The following N4BP2L2 variants were observed in gnomAD, a reference collection of about 807,000 sequenced individuals.
The protein encoded by N4BP2L2 is NEDD4-binding protein 2-like 2.
In N4BP2L2, 50 loss-of-function variants were observed where a neutral mutation model predicts 56.2. The observed-to-expected ratio is 0.89, with a 90% CI of 0.71 to 1.13. N4BP2L2 has a LOEUF of 1.13. Ranked by LOEUF, N4BP2L2 falls within the 50% of genes most tolerant of loss-of-function variation. The pLI, the probability that N4BP2L2 is intolerant of heterozygous loss-of-function variation, is 0.00. For missense variants in N4BP2L2, 689 were observed against 693.8 expected, an observed-to-expected ratio of 0.99 and a Z score of 0.08; for synonymous variants, 203 against 223.6, an observed-to-expected ratio of 0.91 and a Z score of 0.82.
chr13:32,472,980 T>C (rs1305630438), intron 6 of N4BP2L2, among the ~76,000 whole-genome samples: 1 of 152,182 alleles, frequency 6.6e-6, no homozygotes, highest in Non-Finnish European at 1.5e-5. Flanking sequence ...AATAACTTAT[T>C]AATAATTTTT....
Position 32,536,858 on chromosome 13 carries a change from ACAGGG to A in N4BP2L2, c.165_169del (p.Pro56AspfsTer4), listed in dbSNP as rs761799726. ...ATGTCCTCTGACATCAATGATGGTC[ACAGGG>A]ACCCAATCATTTCCAGTTTTCTCTT... is the stretch of plus-strand genomic sequence containing the variant. On this transcript the variant is annotated frameshift_variant, in exon 2 of 6. Transcript: ENST00000267068. LOFTEE classifies it high-confidence loss of function. The A allele has an allele frequency of 2.2e-5, 36 of 1,613,978 alleles. No individual in the cohort carries two copies. The highest frequency in any genetic ancestry group is 2.9e-5 in the Non-Finnish European group (34 of 1,180,004).
chr13:32,498,713 T>TA (rs1298663354), intron 6 of N4BP2L2, among the ~76,000 whole-genome samples: 1 of 151,880 alleles, frequency 6.6e-6, no homozygotes, highest in East Asian at 1.9e-4. Context: ...TTTAAAAATT[T>TA]ATCTTTTGGC....
At chr13:32,484,436 T>C (rs2085438367) in intron 6 of N4BP2L2, among the ~76,000 whole-genome samples, 1 of 152,342 alleles carries the variant, frequency 6.6e-6, no homozygotes, top group South Asian at 2.1e-4. Flanking sequence ...TAAAGGTTTT[T>C]CATCTTTAAT....
chr13:32,533,406 G>A (rs889020927), intron 2 of N4BP2L2, among the ~76,000 whole-genome samples: 1 of 151,882 alleles, frequency 6.6e-6, no homozygotes, highest in Non-Finnish European at 1.5e-5. Flanking sequence ...TTGAGATGTG[G>A]GCAAAGACCA....
intron 6 of N4BP2L2, among the ~76,000 whole-genome samples, chr13:32,464,341 A>T (rs1449251504): frequency 6.6e-6 from 1 of 152,208 alleles, no homozygotes; most frequent in Non-Finnish European, 1.5e-5. Flanking sequence ...CCTAGGTTCT[A>T]CCAATAGAAA....
At chr13:32,443,351 T>A in exon 7 of N4BP2L2, 2 of 1,614,042 alleles carry the variant, frequency 1.2e-6, no homozygotes, top group Non-Finnish European at 1.7e-6. Flanking sequence ...TGTTCACATA[T>A]AAACTTATGA....
chr13:32,536,720 T>G (rs1231340300), exon 2 of N4BP2L2: 1 of 1,614,184 alleles, frequency 6.2e-7, no homozygotes, highest in South Asian at 1.1e-5. Flanking sequence ...ACGTGCTTCC[T>G]GTAAAACCTG....
exon 2 of N4BP2L2, chr13:32,536,274 C>G (rs964552760): frequency 2.5e-6 from 4 of 1,613,580 alleles, no homozygotes; most frequent in Middle Eastern, 3.3e-4. Flanking sequence ...GTAGGTATTA[C>G]TTGTCCATTA....
At chr13:32,521,435 T>C in exon 5 of N4BP2L2, 1 of 1,612,188 alleles carries the variant, frequency 6.2e-7, no homozygotes, top group Non-Finnish European at 8.5e-7. Context: ...CTACTCTGTA[T>C]CCTTTTCCTA....
chr13:32,436,873 TA>T (rs2075586707), intron 8 of N4BP2L2, among the ~76,000 whole-genome samples: 1 of 148,730 alleles, frequency 6.7e-6, no homozygotes, highest in African/African-American at 2.5e-5. Context: ...TCTATTTATT[TA>T]TTTATTTATT....
At chr13:32,458,142 G>A (rs2079313317) in intron 6 of N4BP2L2, among the ~76,000 whole-genome samples, 1 of 152,144 alleles carries the variant, frequency 6.6e-6, no homozygotes, top group African/African-American at 2.4e-5. Flanking sequence ...TCGGCTCACT[G>A]TCAGCTCCGT....
exon 6 of N4BP2L2, chr13:32,511,158 C>G (rs1330423037): frequency 6.6e-6 from 1 of 152,076 alleles, no homozygotes; most frequent in African/African-American, 2.4e-5. Flanking sequence ...AAATTAATGA[C>G]TGTAACAATC....
intron 2 of N4BP2L2, among the ~76,000 whole-genome samples, chr13:32,531,561 T>A (rs2054807907): frequency 6.6e-6 from 1 of 152,142 alleles, no homozygotes; most frequent in South Asian, 2.1e-4. Context: ...ATACTTCCTA[T>A]CCTGAGACTA....
chr13:32,466,856 C>T (rs372087473), intron 6 of N4BP2L2, among the ~76,000 whole-genome samples: 16 of 152,186 alleles, frequency 1.1e-4, no homozygotes, highest in African/African-American at 2.6e-4. Flanking sequence ...TTATATGACA[C>T]GTTGTAATAA....
downstream of N4BP2L2, chr13:32,505,714 C>T (rs2090836359): frequency 6.6e-6 from 1 of 152,186 alleles, no homozygotes; most frequent in Non-Finnish European, 1.5e-5. Context: ...ACAATATATT[C>T]CTCATTTGTT....
intron 8 of N4BP2L2, among the ~76,000 whole-genome samples, chr13:32,438,152 C>G (rs1232249361): frequency 1.3e-5 from 2 of 152,090 alleles, no homozygotes; most frequent in Non-Finnish European, 2.9e-5. Flanking sequence ...TCTCCTCTAG[C>G]TATTTTGAAA....
intron 6 of N4BP2L2, among the ~76,000 whole-genome samples, chr13:32,460,802 C>T (rs531840494): frequency 4.6e-5 from 7 of 151,846 alleles, no homozygotes; most frequent in Middle Eastern, 3.4e-3. Context: ...AAAATAACAA[C>T]AACAAACAAA....
At chr13:32,482,514 AT>A (rs113883024) in intron 6 of N4BP2L2, among the ~76,000 whole-genome samples, 54,758 of 145,524 alleles carry the variant, frequency 0.38, 9,898 homozygotes, top group East Asian at 0.47. Flanking sequence ...TGACCAGCTA[AT>A]TTTTTTTTTT....
At chr13:32,479,300 T>G (rs2084056328) in intron 6 of N4BP2L2, among the ~76,000 whole-genome samples, 1 of 152,096 alleles carries the variant, frequency 6.6e-6, no homozygotes, top group Admixed American at 6.5e-5. Context: ...GCAGTCTGAC[T>G]CTGTCGCCCA....
Sources: allele counts gnomAD v4.1 joint callset (sites outside exome capture counted in the v4.1 genomes callset), GRCh38; gene constraint gnomAD v4.1.1; transcripts MANE v1.5; gene names NCBI Gene and HGNC (gene_info 2026-07-23, HGNC 2026-07-21).